Variants in DTNA observed in about 807,000 individuals in gnomAD.
DTNA encodes the protein dystrobrevin alpha, also known as dystrophin-related protein 3.
In DTNA, 43 loss-of-function variants were observed where a neutral mutation model predicts 100.7. The observed-to-expected ratio is 0.43, with a 90% CI of 0.33 to 0.55. The LOEUF (loss-of-function observed/expected upper bound fraction) is 0.55, where lower values mean the gene tolerates loss of function less well. DTNA is among the 20% of genes least tolerant of loss of function. The pLI is 0.04. For synonymous variants in DTNA, 349 were observed against 347.9 expected, an observed-to-expected ratio of 1.00 and a Z score of -0.04; for missense variants, 798 against 953.9, an observed-to-expected ratio of 0.84 and a Z score of 2.15.
At chr18:34,592,106 C>A (rs935650581) in intron 1 of DTNA, among the ~76,000 whole-genome samples, 3 of 152,124 alleles carry the variant, frequency 2.0e-5, no homozygotes, top group Non-Finnish European at 4.4e-5. Flanking sequence ...CTGAGCCCAG[C>A]CAGCTGACAG....
At chr18:34,584,326 A>C (rs1174474397) in intron 1 of DTNA, among the ~76,000 whole-genome samples, 1 of 152,208 alleles carries the variant, frequency 6.6e-6, no homozygotes, top group Admixed American at 6.5e-5. Context: ...AAGAAATGGA[A>C]GGAAACAAAG....
chr18:34,668,139 C>T (rs1262866539), intron 1 of DTNA, among the ~76,000 whole-genome samples: 2 of 152,172 alleles, frequency 1.3e-5, no homozygotes, highest in Non-Finnish European at 2.9e-5. Context: ...CAGCTTCTTC[C>T]TGGTTTAGTC....
At chr18:34,762,171 A>G (rs1423265283) in intron 2 of DTNA, among the ~76,000 whole-genome samples, 1 of 152,206 alleles carries the variant, frequency 6.6e-6, no homozygotes, top group Non-Finnish European at 1.5e-5. Flanking sequence ...TTTTTAATAG[A>G]TAAATTAAGT....
At chr18:34,828,175 G>A (rs554878058) in intron 10 of DTNA, among the ~76,000 whole-genome samples, 1 of 152,232 alleles carries the variant, frequency 6.6e-6, no homozygotes, top group South Asian at 2.1e-4. Flanking sequence ...GTAATTTCAC[G>A]ATAATAATAA....
intron 2 of DTNA, among the ~76,000 whole-genome samples, chr18:34,760,686 G>T (rs1223243363): frequency 6.6e-6 from 1 of 152,202 alleles, no homozygotes; most frequent in East Asian, 1.9e-4. Context: ...CTGCCAAGCA[G>T]CTGGGCACAG....
chr18:34,719,381 T>G (rs1034096887), intron 1 of DTNA, among the ~76,000 whole-genome samples: 3 of 151,964 alleles, frequency 2.0e-5, no homozygotes, highest in Non-Finnish European at 4.4e-5. Flanking sequence ...AGTTATTATC[T>G]CTCCATCAAT....
intron 3 of DTNA, among the ~76,000 whole-genome samples, chr18:34,777,267 A>C (rs542914384): frequency 6.6e-6 from 1 of 152,230 alleles, no homozygotes; most frequent in Non-Finnish European, 1.5e-5. Context: ...TGTTCAAAAA[A>C]TACTTACTGA....
intron 1 of DTNA, among the ~76,000 whole-genome samples, chr18:34,668,050 G>A (rs1381307355): frequency 3.3e-5 from 5 of 152,092 alleles, no homozygotes; most frequent in Admixed American, 2.0e-4. Context: ...GAATCCATCC[G>A]GTCCTGGACT....
At chr18:34,806,589 T>A (rs971403730) in intron 5 of DTNA, among the ~76,000 whole-genome samples, 2 of 152,234 alleles carry the variant, frequency 1.3e-5, no homozygotes, top group African/African-American at 2.4e-5. Context: ...CAGTTAATTG[T>A]GTTATACTGC....
At chr18:34,570,396 T>C (rs1428117835) in intron 1 of DTNA, among the ~76,000 whole-genome samples, 1 of 152,186 alleles carries the variant, frequency 6.6e-6, no homozygotes, top group Non-Finnish European at 1.5e-5. Context: ...GGTAATAAGT[T>C]GCATTTATTT....
At chr18:34,768,522 G>C (rs1326318019) in intron 3 of DTNA, among the ~76,000 whole-genome samples, 1 of 152,146 alleles carries the variant, frequency 6.6e-6, no homozygotes, top group Non-Finnish European at 1.5e-5. Context: ...TGCTCTCTGA[G>C]AAAGGCACTT....
intron 10 of DTNA, chr18:34,829,163 A>C: frequency 6.2e-7 from 1 of 1,612,654 alleles, no homozygotes; most frequent in African/African-American, 1.3e-5. Flanking sequence ...CATTAACCCA[A>C]AATATGATTA....
chr18:34,820,362 T>C (rs372236969), intron 8 of DTNA, among the ~76,000 whole-genome samples: 136 of 152,282 alleles, frequency 8.9e-4, no homozygotes, highest in African/African-American at 3.0e-3. Context: ...AAACTCTTCA[T>C]GGTCTGCCTC....
chr18:34,811,632 C>G lies in DTNA; in HGVS notation c.449-327C>G, dbSNP rs535395911. Reference sequence around the variant, plus strand: ...GTCTCTCTCATATATACAAAAATTTCTCTTGTTGAGCTACATGAGAGTTAA... The same window carrying G: ...GTCTCTCTCATATATACAAAAATTTGTCTTGTTGAGCTACATGAGAGTTAA... On this transcript the variant is annotated intron_variant, in intron 5 of 22. Coordinates refer to ENST00000444659, the MANE Select transcript of DTNA (RefSeq NM_001386795.1). Among the ~76,000 whole-genome samples, 14 of 152,244 alleles carry G rather than the reference C, an allele frequency of 9.2e-5. No individual in the cohort carries two copies. In the South Asian group the frequency reaches 2.9e-3, roughly 32 times the overall value.
chr18:34,629,100 G>T (rs1452590706), intron 1 of DTNA, among the ~76,000 whole-genome samples: 1 of 152,010 alleles, frequency 6.6e-6, no homozygotes, highest in Non-Finnish European at 1.5e-5. Flanking sequence ...ACAATTAGAA[G>T]AATTCTCTGC....
chr18:34,544,319 G>GTT (rs200304081), intron 1 of DTNA, among the ~76,000 whole-genome samples: 1 of 151,776 alleles, frequency 6.6e-6, no homozygotes, highest in African/African-American at 2.4e-5. Context: ...AAATAAATAT[G>GTT]TTTTTTTAAA....
At chr18:34,585,898 A>G (rs961913794) in intron 1 of DTNA, among the ~76,000 whole-genome samples, 1 of 152,176 alleles carries the variant, frequency 6.6e-6, no homozygotes, top group Non-Finnish European at 1.5e-5. Context: ...ATTTTTATTA[A>G]TATGAAAAAG....
chr18:34,590,391 T>C (rs748440543), intron 1 of DTNA, among the ~76,000 whole-genome samples: 4 of 152,224 alleles, frequency 2.6e-5, no homozygotes, highest in Non-Finnish European at 4.4e-5. Flanking sequence ...ATAAATGATA[T>C]GACAAAAATA....
intron 1 of DTNA, among the ~76,000 whole-genome samples, chr18:34,503,857 C>T (rs1369175277): frequency 1.3e-5 from 2 of 151,662 alleles, no homozygotes; most frequent in South Asian, 2.1e-4. Context: ...GACAGAGTCT[C>T]GCTGTGTTGC....
Sources: gnomAD v4.1 joint callset for allele counts (sites outside exome capture counted in the v4.1 genomes callset) on GRCh38, gnomAD v4.1.1 for gene constraint, MANE v1.5 for transcripts, NCBI Gene and HGNC (gene_info 2026-07-23, HGNC 2026-07-21) for gene names.